The following ADCY1 variants were observed in gnomAD, a reference collection of about 807,000 sequenced individuals.
The protein encoded by ADCY1 is adenylate cyclase type 1.
ADCY1 carries 28 observed loss-of-function variants against 105.4 expected under a neutral mutation model. The ratio of observed to expected loss-of-function variants is 0.27; its 90% CI spans 0.20 to 0.36. The LOEUF (loss-of-function observed/expected upper bound fraction) is 0.36, where lower values mean the gene tolerates loss of function less well. Ranked by LOEUF, ADCY1 falls within the 10% of genes least tolerant of loss-of-function variation. ADCY1 has a pLI of 1.00. For missense variants in ADCY1, 977 were observed against 1,434.2 expected (o/e 0.68, Z 5.15); for synonymous variants, 655 against 623.8 (o/e 1.05, Z -0.75).
At chr7:45,642,523 G>T (rs2116032880) in intron 4 of ADCY1, among the ~76,000 whole-genome samples, 1 of 152,202 alleles carries the variant, frequency 6.6e-6, no homozygotes, top group East Asian at 1.9e-4. Context: ...TTTTTTATGT[G>T]CTCCTCCTGC....
chr7:45,577,274 C>G (rs540125037), intron 1 of ADCY1, among the ~76,000 whole-genome samples: 77 of 152,326 alleles, frequency 5.1e-4, no homozygotes, highest in African/African-American at 1.8e-3. Flanking sequence ...TGGAAAAGCA[C>G]ATATTGGCCT....
chr7:45,605,942 C>T (rs1392265788), intron 2 of ADCY1, among the ~76,000 whole-genome samples: 2 of 152,078 alleles, frequency 1.3e-5, no homozygotes, highest in Non-Finnish European at 2.9e-5. Context: ...ATTATTTGGA[C>T]ATTTTGTTTT....
intron 12 of ADCY1, among the ~76,000 whole-genome samples, chr7:45,685,670 T>G (rs979310800): frequency 6.7e-6 from 1 of 148,688 alleles, no homozygotes; most frequent in Admixed American, 6.6e-5. Flanking sequence ...GGGGCAGGAG[T>G]AACAGGTTGG....
chr7:45,685,538 G>A lies in ADCY1; in HGVS notation c.2074-424G>A, dbSNP rs147043630. On this transcript the variant is annotated intron_variant, in intron 12 of 19. Transcript: ENST00000297323. ...ACAGGAAGGACAGAGCTGGGGGCAG[G>A]AGGAACAGGACGGAGCTAGGGGCAT... Among the ~76,000 whole-genome samples the A allele has an allele frequency of 9.0e-4, 136 of 151,864 alleles. 1 individual carries two copies. The highest frequency in any genetic ancestry group is 3.1e-3 in the African/African-American group (130 of 41,396).
intron 4 of ADCY1, among the ~76,000 whole-genome samples, chr7:45,645,188 G>T (rs1794626057): frequency 6.6e-6 from 1 of 152,082 alleles, no homozygotes; most frequent in South Asian, 2.1e-4. Flanking sequence ...AGATGGCTTT[G>T]CCCTTGGTCC....
intron 14 of ADCY1, among the ~76,000 whole-genome samples, chr7:45,688,606 G>T (rs2116217641): frequency 6.6e-6 from 1 of 152,332 alleles, no homozygotes; most frequent in East Asian, 1.9e-4. Flanking sequence ...AAATTATGTT[G>T]TTGATTTGAG....
At chr7:45,712,966 C>A (rs1171998202) in intron 19 of ADCY1, among the ~76,000 whole-genome samples, 1 of 152,176 alleles carries the variant, frequency 6.6e-6, no homozygotes, top group Non-Finnish European at 1.5e-5. Flanking sequence ...TGGTCCCTCC[C>A]TCCCCTGACT....
chr7:45,610,890 G>GTGGAGGTGGGAAGGTGA (rs1793554317), intron 3 of ADCY1, among the ~76,000 whole-genome samples: 11 of 1,584 alleles, frequency 6.9e-3, no homozygotes, highest in South Asian at 0.036. Context: ...GAAGGTGATG[G>GTGGAGGTGGGAAGGTGA]TGGAGGTGGG....
At position 45,686,732 on chromosome 7, in the gene ADCY1, C is replaced by T; in HGVS notation, c.2454+59C>T. The T allele has an allele frequency of 4.5e-6, 7 of 1,548,894 alleles. No individual in the cohort carries two copies. The highest frequency in any genetic ancestry group is 6.1e-6 in the Non-Finnish European group (7 of 1,145,224). On this transcript the variant is annotated intron_variant, in intron 14 of 19. Transcript: ENST00000297323. The surrounding 1 kb of genome is among the most constrained non-coding windows in gnomAD (Gnocchi z 4.3). ...GGGATTTAGAGGAGGAAGAAGTCTT[C>T]AGCAAGCATCTGACGGGGGCTGCCA... is the stretch of plus-strand genomic sequence containing the variant.
In ADCY1 at chr7:45,643,529, T is replaced by A. The variant is rs1465054247; in HGVS notation, c.1021-5141T>A. On this transcript the variant is annotated intron_variant, in intron 4 of 19. Coordinates refer to ENST00000297323, the MANE Select transcript of ADCY1 (RefSeq NM_021116.4). ...TCCTTGCATTATATTCTACCAGACA[T>A]ACAGTCAAATATGCATTTTCTCATC... is the stretch of plus-strand genomic sequence containing the variant. 2.6e-5 allele frequency among the ~76,000 whole-genome samples: 4 copies of A among 152,212 alleles called. No individual in the cohort carries two copies. The East Asian group carries it at 7.7e-4, about 29-fold the overall frequency.
chr7:45,643,841 CT>C (rs1263883762), intron 4 of ADCY1, among the ~76,000 whole-genome samples: 1 of 152,138 alleles, frequency 6.6e-6, no homozygotes, highest in Non-Finnish European at 1.5e-5. Context: ...CACTGTGAAA[CT>C]GTTCCTGGAG....
intron 18 of ADCY1, among the ~76,000 whole-genome samples, chr7:45,709,206 G>T (rs1785178808): frequency 6.6e-6 from 1 of 152,192 alleles, no homozygotes; most frequent in South Asian, 2.1e-4. Flanking sequence ...TTTAGGCATG[G>T]TGTCTGGGCA....
At position 45,681,132 on chromosome 7, in the gene ADCY1, T is replaced by C. The variant is rs150467857; in HGVS notation, c.1983+1339T>C. 2.8e-3 allele frequency among the ~76,000 whole-genome samples: 422 copies of C among 152,314 alleles called. 1 individual carries two copies. Among genetic ancestry groups the C allele is most frequent in the African/African-American group, 9.6e-3 (397 of 41,562 alleles). Reference sequence around the variant, plus strand: ...GCAAAATCTGCACCCAATCTGTCCATAAAAATAATATTCAAATTAAGAAAA... The same window carrying C: ...GCAAAATCTGCACCCAATCTGTCCACAAAAATAATATTCAAATTAAGAAAA... On this transcript the variant is annotated intron_variant, in intron 11 of 19. Coordinates refer to ENST00000297323, the MANE Select transcript of ADCY1 (RefSeq NM_021116.4).
intron 14 of ADCY1, among the ~76,000 whole-genome samples, chr7:45,696,798 G>T (rs1189394443): frequency 6.6e-6 from 1 of 152,332 alleles, no homozygotes; most frequent in African/African-American, 2.4e-5. Flanking sequence ...GACCCCAGAA[G>T]TTGCTTTCTG....
At position 45,622,689 on chromosome 7, in the gene ADCY1, G is replaced by A; in HGVS notation, c.966G>A (p.Gln322=). The A allele has an allele frequency of 6.2e-7, 1 of 1,609,618 alleles. No individual in the cohort carries two copies. Among genetic ancestry groups the A allele is most frequent in the Non-Finnish European group, 8.5e-7 (1 of 1,179,296 alleles). Residue 322 remains glutamine, a synonymous_variant, in exon 4 of 20, where the codon CAG becomes CAA. Coordinates refer to ENST00000297323, the MANE Select transcript of ADCY1 (RefSeq NM_021116.4). Reference sequence around the variant, plus strand: ...GCTTGGCATCCCAGTGCACAGCCCAGGAGCTGGTGAAACTCCTCAATGAGC... The same window carrying A: ...GCTTGGCATCCCAGTGCACAGCCCAAGAGCTGGTGAAACTCCTCAATGAGC... ...FTGLASQCTA[Q]ELVKLLNELF... is the part of the protein sequence containing the mutation.
At chr7:45,621,294 G>A (rs767583624) in intron 3 of ADCY1, among the ~76,000 whole-genome samples, 4 of 152,264 alleles carry the variant, frequency 2.6e-5, no homozygotes, top group Non-Finnish European at 4.4e-5. Context: ...TCGAACTCGT[G>A]GACTCAGGTG....
chr7:45,666,512 TA>T (rs1250898657), intron 8 of ADCY1, among the ~76,000 whole-genome samples: 18 of 152,280 alleles, frequency 1.2e-4, no homozygotes, highest in African/African-American at 4.1e-4. Context: ...CACATTTTCT[TA>T]ATACAGTCTG....
At chr7:45,670,246 A>ATG (rs1190476482) in intron 8 of ADCY1, among the ~76,000 whole-genome samples, 3 of 152,100 alleles carry the variant, frequency 2.0e-5, no homozygotes, top group Non-Finnish European at 2.9e-5. Context: ...ATTTTCAGAG[A>ATG]TGTGTGTATC....
intron 11 of ADCY1, among the ~76,000 whole-genome samples, chr7:45,681,767 G>A (rs115199153): frequency 0.021 from 3,169 of 152,324 alleles, 103 homozygotes; most frequent in African/African-American, 0.072. Context: ...GAGGTTTGCA[G>A]GAAGCCAGCA....
Sources: gnomAD v4.1 joint callset for allele counts (sites outside exome capture counted in the v4.1 genomes callset) on GRCh38, gnomAD v4.1.1 for gene constraint, Gnocchi (gnomAD v3.1) non-coding constraint, MANE v1.5 for transcripts, NCBI Gene and HGNC (gene_info 2026-07-23, HGNC 2026-07-21) for gene names.